Variants in LIAS observed in about 807,000 individuals in gnomAD.
LIAS encodes lipoyl synthase, mitochondrial.
In LIAS, 36 loss-of-function variants were observed where a neutral mutation model predicts 49.4. That is an observed-to-expected ratio of 0.73 (90% CI 0.56 to 0.96). LIAS has a LOEUF of 0.96. Among genes scored for constraint, LIAS ranks in the 40% least tolerant of loss-of-function variants. LIAS has a pLI of 0.00. For missense variants in LIAS, 399 were observed against 456.3 expected, an observed-to-expected ratio of 0.87 and a Z score of 1.14; for synonymous variants, 145 against 155.8, an observed-to-expected ratio of 0.93 and a Z score of 0.52.
At chr4:39,473,065 C>A (rs576853535) in intron 9 of LIAS, 35 bp from the exon 10 acceptor site, 2 of 1,275,348 alleles carry the variant, frequency 1.6e-6, no homozygotes, top group African/African-American at 1.5e-5. Context: ...AAGTGGAATT[C>A]TAAAATCTGA....
In LIAS at chr4:39,479,026, A is replaced by G. The variant is rs892445257; in HGVS notation, c.*1911A>G. On this transcript the variant is annotated 3_prime_UTR_variant, in exon 11 of 11. Transcript: ENST00000640888. ...AGTTTGAGACTAGCCTGGGCAACAC[A>G]GTCAGACCCCCATCTCTACCAAAAA... The G allele has an allele frequency of 6.6e-6, 1 of 152,010 alleles. No homozygotes were observed. The highest frequency in any genetic ancestry group is 6.6e-5 in the Admixed American group (1 of 15,252). 9.4% of individuals were successfully genotyped at this position (152,010 alleles called of 1,614,324 possible).
intron 1 of LIAS, among the ~76,000 whole-genome samples, chr4:39,459,618 A>G (rs181599079): frequency 5.9e-5 from 9 of 152,310 alleles, no homozygotes; most frequent in African/African-American, 2.2e-4. Flanking sequence ...TTTGAGATAC[A>G]TGTGCAGACT....
intron 10 of LIAS, chr4:39,476,303 A>C (rs1392892120): frequency 6.6e-6 from 1 of 152,332 alleles, no homozygotes; most frequent in East Asian, 1.9e-4. Flanking sequence ...AGCAGCATGG[A>C]TTACTTGGCT....
rs1744708615 is a variant in LIAS at position 39,465,132 on chromosome 4, C to T, written c.480C>T (p.Pro160=). The T allele has an allele frequency of 6.2e-7, 1 of 1,614,088 alleles. No individual in the cohort carries two copies. Among genetic ancestry groups the T allele is most frequent in the South Asian group, 1.1e-5 (1 of 91,088 alleles). The change falls in exon 5 of 11, where the codon CCC becomes CCT. Residue 160 remains proline, a synonymous_variant. Transcript: ENST00000640888. ...RNPPPLDASE[P]YNTAKAIAEW... The stretch of plus-strand genomic sequence containing the variant: ...CTCCTCCACTGGATGCCAGTGAGCC[C>T]TACAATACTGCAAAGGCAATTGCAG...
intron 4 of LIAS, 130 bp from the exon 5 acceptor site, chr4:39,464,916 T>C (rs1744699494): frequency 1.6e-6 from 1 of 643,034 alleles, no homozygotes; most frequent in African/African-American, 1.8e-5. Context: ...CATTTAGTTT[T>C]GAATGTTTCA....
intron 3 of LIAS, 35 bp from the exon 4 acceptor site, chr4:39,463,490 C>A: frequency 6.5e-7 from 1 of 1,537,490 alleles, no homozygotes; most frequent in Non-Finnish European, 8.8e-7. Context: ...TGGATATTGT[C>A]AACCTAATGG....
chr4:39,462,519 A>G (rs1744559485), intron 3 of LIAS, among the ~76,000 whole-genome samples: 1 of 152,188 alleles, frequency 6.6e-6, no homozygotes, highest in Non-Finnish European at 1.5e-5. Flanking sequence ...TATATTGCAA[A>G]TTAGATATAT....
At chr4:39,461,368 T>C (rs558440512) in intron 2 of LIAS, among the ~76,000 whole-genome samples, 22 of 152,236 alleles carry the variant, frequency 1.4e-4, no homozygotes, top group Non-Finnish European at 2.9e-4. Context: ...AGAAGGTAGA[T>C]TGAGTTGAAA....
At chr4:39,470,515 C>G (rs1223451924) in intron 8 of LIAS, 1 of 208,038 alleles carries the variant, frequency 4.8e-6, no homozygotes, top group Non-Finnish European at 1.0e-5. Context: ...TGGTACCAGG[C>G]ACTGACAGTT....
chr4:39,470,006 T>A lies in LIAS; in HGVS notation c.738-13T>A. 1 of 1,603,202 alleles carries A rather than the reference T, an allele frequency of 6.2e-7. No individual in the cohort carries two copies. Among genetic ancestry groups the A allele is most frequent in the Non-Finnish European group, 8.5e-7 (1 of 1,172,350 alleles). Reference sequence around the variant, plus strand: ...TTGTAATTCTTGCTGACAACAGTCCTGCTGTTTTCCAGTAAGGTTCGTGAT... The same window carrying A: ...TTGTAATTCTTGCTGACAACAGTCCAGCTGTTTTCCAGTAAGGTTCGTGAT... On this transcript the variant is annotated splice_polypyrimidine_tract_variant and intron_variant, in intron 7 of 10. Coordinates refer to ENST00000640888, the MANE Select transcript of LIAS (RefSeq NM_006859.4).
chr4:39,470,146 G>A lies in LIAS; in HGVS notation c.865G>A (p.Val289Ile). The change falls in exon 8 of 11, where the codon GTA becomes ATA. Residue 289 changes from valine (V) to isoleucine (I), a missense_variant. Transcript: ENST00000640888. ...GGGTTTAGGCGAGAATGATGAGCAA[G>A]TATATGCAACAATGAAAGGTAAAGA... ...MLGLGENDEQ[V>I]YATMKALREA... is the part of the protein sequence containing the mutation. The A allele has an allele frequency of 6.2e-7, 1 of 1,611,930 alleles. No individual in the cohort carries two copies.
chr4:39,467,326 G>A (rs1037801072), intron 6 of LIAS, 192 bp from the exon 7 acceptor site: 2 of 398,636 alleles, frequency 5.0e-6, no homozygotes, highest in Non-Finnish European at 8.8e-6. Flanking sequence ...TGTGTACATA[G>A]TATTTAACGG....
chr4:39,467,355 A>ATAATGGTTCATGTATGAACATCTGTATG, intron 6 of LIAS, 163 bp from the exon 7 acceptor site: 1 of 499,790 alleles, frequency 2.0e-6, no homozygotes, highest in Non-Finnish European at 3.2e-6. Flanking sequence ...TTTTTTTTTA[A>ATAATGGTTCATGTATGAACATCTGTATG]TAATGGTTCA....
At chr4:39,467,390 C>T in intron 6 of LIAS, 128 bp from the exon 7 acceptor site, 1 of 809,998 alleles carries the variant, frequency 1.2e-6, no homozygotes, top group South Asian at 2.8e-5. Flanking sequence ...TATGTTCATA[C>T]TTTTCTTGAC....
In LIAS at chr4:39,471,517, A is replaced by ATTTT. The variant is rs766866733; in HGVS notation, c.954+235_954+238dup. Among the ~76,000 whole-genome samples, 7,395 of 74,232 alleles carry ATTTT rather than the reference A, an allele frequency of 0.1. 1,378 individuals are homozygous for ATTTT. The highest frequency in any genetic ancestry group is 0.13 in the Non-Finnish European group (4,995 of 39,906). The allele number at this position is 74,232 out of a possible 152,430, so 48.7% of individuals were successfully genotyped here. ...TCCGGCTAAAATATACATATATATA[A>ATTTT]TTTTTTTTTTTTTTTTTTTTTTTTT... On this transcript the variant is annotated intron_variant, in intron 9 of 10. Coordinates refer to ENST00000640888, the MANE Select transcript of LIAS (RefSeq NM_006859.4).
intron 7 of LIAS, chr4:39,468,837 G>A (rs78003483): frequency 0.03 from 4,355 of 146,470 alleles, 107 homozygotes; most frequent in Middle Eastern, 0.11. Flanking sequence ...TAGTGCCATG[G>A]TACTCCATCC....
At chr4:39,463,389 A>G in intron 3 of LIAS, 136 bp from the exon 4 acceptor site, 2 of 1,203,650 alleles carry the variant, frequency 1.7e-6, no homozygotes, top group Non-Finnish European at 2.2e-6. Flanking sequence ...TGGTCTTAAC[A>G]GCATTTTTGA....
chr4:39,467,546 A>G lies in LIAS; in HGVS notation c.637A>G (p.Thr213Ala), dbSNP rs374709255. The G allele has an allele frequency of 5.7e-5, 92 of 1,606,544 alleles. No homozygotes were observed. The highest frequency in any genetic ancestry group is 7.7e-5 in the Non-Finnish European group (91 of 1,176,580). The change falls in exon 7 of 11, where the codon ACT (threonine) becomes GCT (alanine). Residue 213 changes from threonine to alanine, a missense_variant. Around this residue, in one of 3 missense-constraint regions of LIAS, gnomAD observed 234 missense variants for 292.2 expected, o/e 0.80. Coordinates refer to ENST00000640888, the MANE Select transcript of LIAS (RefSeq NM_006859.4). ...TCCAAAAATCCTTGTGGAGTGTCTTACTCCTGATTTTCGAGGTGATCTCAA... is the reference window on the plus strand; with the variant it reads ...TCCAAAAATCCTTGTGGAGTGTCTTGCTCCTGATTTTCGAGGTGATCTCAA... ...RNPKILVECL[T>A]PDFRGDLKAI... is the part of the protein sequence containing the mutation.
Position 39,465,250 on chromosome 4 carries a change from ACAT to A in LIAS, c.551-30_551-28del, listed in dbSNP as rs1164739158. ...TACCAGAAACTGGCTCTAAATGATG[ACAT>A]CATCCTGAGCAGTGGATTCTTTTGT... is the stretch of plus-strand genomic sequence containing the variant. On this transcript the variant is annotated intron_variant, in intron 5 of 10. Coordinates refer to ENST00000640888, the MANE Select transcript of LIAS (RefSeq NM_006859.4). The A allele has an allele frequency of 4.3e-6, 7 of 1,612,596 alleles. No homozygotes were observed. In the African/African-American group the frequency reaches 8.0e-5, roughly 18 times the overall value.
Sources: gnomAD v4.1 joint callset for allele counts (sites outside exome capture counted in the v4.1 genomes callset) on GRCh38, gnomAD v4.1.1 for gene constraint, gnomAD v4.1.1 regional missense constraint, MANE v1.5 for transcripts, NCBI Gene and HGNC (gene_info 2026-07-23, HGNC 2026-07-21) for gene names.